The following DYM variants were observed in gnomAD, a reference collection of about 807,000 sequenced individuals.
The protein encoded by DYM is dymeclin.
A neutral mutation model predicts 93.1 loss-of-function variants in DYM; 78 were observed. That is an observed-to-expected ratio of 0.84 (90% CI 0.70 to 1.01). The LOEUF is 1.01. Ranked by LOEUF, DYM falls within the 50% of genes least tolerant of loss-of-function variation. The pLI is 0.00. For missense variants in DYM, 789 were observed against 845.0 expected, an observed-to-expected ratio of 0.93 and a Z score of 0.82; for synonymous variants, 321 against 319.7, an observed-to-expected ratio of 1.00 and a Z score of -0.04.
At chr18:49,357,521 C>T (rs532725795) in intron 6 of DYM, among the ~76,000 whole-genome samples, 1 of 152,240 alleles carries the variant, frequency 6.6e-6, no homozygotes, top group Non-Finnish European at 1.5e-5. Flanking sequence ...AGTAAGACAC[C>T]CTGTTGTTAC....
chr18:49,244,315 C>T (rs1347078370), intron 13 of DYM, among the ~76,000 whole-genome samples: 1 of 152,112 alleles, frequency 6.6e-6, no homozygotes, highest in Admixed American at 6.5e-5. Flanking sequence ...TCTGGGACCC[C>T]CACTATTCAC....
chr18:49,441,231 T>TA (rs2081521555), intron 1 of DYM, among the ~76,000 whole-genome samples: 3 of 42,802 alleles, frequency 7.0e-5, no homozygotes, highest in Non-Finnish European at 8.2e-5. Flanking sequence ...AATTATATTA[T>TA]ATATAATATA....
chr18:49,379,812 T>A, intron 3 of DYM, 54 bp from the exon 4 acceptor site: 6 of 1,382,308 alleles, frequency 4.3e-6, no homozygotes, highest in Non-Finnish European at 6.2e-6. Flanking sequence ...AAAATCAAAG[T>A]GAGCTTATCA....
intron 8 of DYM, among the ~76,000 whole-genome samples, chr18:49,307,823 T>C (rs1273200162): frequency 1.3e-5 from 2 of 152,160 alleles, no homozygotes; most frequent in Non-Finnish European, 2.9e-5. Flanking sequence ...CCTCAAAACA[T>C]GTGCTATGAA....
At chr18:49,350,391 T>G (rs1483803638) in intron 6 of DYM, among the ~76,000 whole-genome samples, 1 of 152,180 alleles carries the variant, frequency 6.6e-6, no homozygotes, top group Non-Finnish European at 1.5e-5. Flanking sequence ...GAATAGTCTG[T>G]CTGGCTGGTA....
chr18:49,224,904 G>T (rs1249786309), intron 13 of DYM, among the ~76,000 whole-genome samples: 1 of 151,960 alleles, frequency 6.6e-6, no homozygotes, highest in Non-Finnish European at 1.5e-5. Context: ...TTGAAGAGTG[G>T]CCAAAAAAAC....
chr18:49,297,605 T>C (rs1224962832), intron 8 of DYM, among the ~76,000 whole-genome samples: 1 of 152,246 alleles, frequency 6.6e-6, no homozygotes, highest in Non-Finnish European at 1.5e-5. Flanking sequence ...TATCCCTTTT[T>C]GTAAAATGAT....
At chr18:49,410,819 C>T (rs1315524379) in intron 2 of DYM, among the ~76,000 whole-genome samples, 2 of 152,008 alleles carry the variant, frequency 1.3e-5, no homozygotes, top group Non-Finnish European at 2.9e-5. Context: ...TGAGTTGAAA[C>T]TGACTTTTGT....
chr18:49,116,670 C>T (rs2081954201), intron 16 of DYM, among the ~76,000 whole-genome samples: 1 of 152,136 alleles, frequency 6.6e-6, no homozygotes, highest in African/African-American at 2.4e-5. Context: ...CATGAGATAC[C>T]CCTCAGCCCC....
At chr18:49,168,966 G>T (rs557749972) in intron 14 of DYM, among the ~76,000 whole-genome samples, 1 of 152,258 alleles carries the variant, frequency 6.6e-6, no homozygotes, top group South Asian at 2.1e-4. Flanking sequence ...ACTCACAGGG[G>T]TGAGAAGTGG....
chr18:49,439,553 C>G (rs1330943036), intron 1 of DYM, among the ~76,000 whole-genome samples: 1 of 152,148 alleles, frequency 6.6e-6, no homozygotes, highest in Non-Finnish European at 1.5e-5. Flanking sequence ...CAGCATACTG[C>G]TAAAGAGAAA....
chr18:49,231,525 TTAAG>T (rs931852668), intron 13 of DYM, among the ~76,000 whole-genome samples: 2 of 152,214 alleles, frequency 1.3e-5, no homozygotes, highest in African/African-American at 4.8e-5. Context: ...GCTGAACAGC[TTAAG>T]TTCTCTTAGG....
chr18:49,043,696 A>G lies in DYM; in HGVS notation c.*359T>C, dbSNP rs558601125. ...CGCTTTTGAATAGTGTGCACTGTTG[A>G]ATAGTGTGCACTGTTGGATAGTGTG... On this transcript the variant is annotated 3_prime_UTR_variant, in exon 18 of 18. Coordinates refer to ENST00000675505, the MANE Select transcript of DYM (RefSeq NM_001353214.3). 7.2e-6 allele frequency: 2 copies of G among 278,428 alleles called. No individual in the cohort carries two copies. Among genetic ancestry groups the G allele is most frequent in the South Asian group, 4.8e-5 (1 of 20,946 alleles). 17.2% of individuals were successfully genotyped at this position (278,428 alleles called of 1,614,324 possible).
At chr18:49,402,233 G>T (rs759375244) in intron 2 of DYM, among the ~76,000 whole-genome samples, 8 of 152,090 alleles carry the variant, frequency 5.3e-5, no homozygotes, top group Non-Finnish European at 8.8e-5. Context: ...GTAAATCAGA[G>T]CAAAAGAATG....
intron 13 of DYM, 99 bp downstream of exon 13, chr18:49,256,911 T>C: frequency 1.0e-6 from 1 of 977,524 alleles, no homozygotes; most frequent in Non-Finnish European, 1.6e-6. Flanking sequence ...GAAAATTTGA[T>C]AGTCCTCACA....
intron 17 of DYM, among the ~76,000 whole-genome samples, chr18:49,080,624 TGG>T (rs2077852250): frequency 7.2e-6 from 1 of 139,734 alleles, no homozygotes; most frequent in Admixed American, 7.1e-5. Flanking sequence ...ACGGGGCGGC[TGG>T]CCGGGCGGGG....
chr18:49,139,372 T>C (rs931120842), intron 15 of DYM, among the ~76,000 whole-genome samples: 4 of 152,150 alleles, frequency 2.6e-5, no homozygotes, highest in African/African-American at 4.8e-5. Context: ...ATTTTATAAT[T>C]TTCAATTATC....
chr18:49,441,114 A>T (rs1057179154), intron 1 of DYM, among the ~76,000 whole-genome samples: 133 of 5,892 alleles, frequency 0.023, 5 homozygotes, highest in Middle Eastern at 0.12. Flanking sequence ...TATTAATATA[A>T]ATATATTATA....
At chr18:49,387,250 C>A (rs1375878090) in intron 3 of DYM, among the ~76,000 whole-genome samples, 1 of 151,634 alleles carries the variant, frequency 6.6e-6, no homozygotes, top group Non-Finnish European at 1.5e-5. Context: ...ACTGTTATAT[C>A]TGTTATAGTG....
Sources: gnomAD v4.1 joint callset for allele counts (sites outside exome capture counted in the v4.1 genomes callset) on GRCh38, gnomAD v4.1.1 for gene constraint, MANE v1.5 for transcripts, NCBI Gene and HGNC (gene_info 2026-07-23, HGNC 2026-07-21) for gene names.